ZNF628: variants seen among roughly 807,000 people sequenced by gnomAD.
ZNF628 encodes the protein zinc finger protein Zec.
ZNF628 carries 3 observed loss-of-function variants against 2.5 expected under a neutral mutation model. That is an observed-to-expected ratio of 1.19 (90% CI 0.54 to 3.07). The LOEUF (loss-of-function observed/expected upper bound fraction) is 3.07. Among genes scored for constraint, ZNF628 ranks in the 30% most tolerant of loss-of-function variants. The probability of loss-of-function intolerance (pLI) is 0.03; values close to 1 mark genes in which losing one functional copy is unlikely to be tolerated. For missense variants in ZNF628, 1,610 were observed against 1,517.1 expected (o/e 1.06, Z -1.02); for synonymous variants, 861 against 717.1 (o/e 1.20, Z -3.21).
chr19:55,482,873 C>T lies in ZNF628; in HGVS notation c.1680C>T (p.His560=), dbSNP rs12981044. 911,063 of 1,609,174 alleles carry T rather than the reference C, an allele frequency of 0.57. 259,802 individuals carry two copies. The highest frequency in any genetic ancestry group is 0.66 in the African/African-American group (49,515 of 74,864). The change falls in exon 3 of 3, where the codon CAC becomes CAT. Residue 560 remains histidine, a synonymous_variant. Coordinates refer to ENST00000598519, the MANE Select transcript of ZNF628 (RefSeq NM_033113.3). ...GCCTGCGTCGCCACCGCCACGTGCA[C>T]ACTGGCGAGAGGCCCCACGCCTGCG... ...TSCLRRHRHV[H]TGERPHACGV... is the part of the protein sequence containing the mutation.
In ZNF628 at chr19:55,482,915, C is replaced by G; in HGVS notation, c.1722C>G (p.Ser574Arg). ...ACGCCTGCGGTGTCTGCGGCAAGAG[C>G]TTCGCGCAGACCTCCAACCTGCGGC... ...RPHACGVCGK[S>R]FAQTSNLRQH... The change falls in exon 3 of 3, where the codon AGC (serine) becomes AGG (arginine). Residue 574 changes from serine (S) to arginine (R), a missense_variant. By Grantham distance (110) the Ser-to-Arg change is moderately radical. This residue lies in a region of ZNF628 where 651 missense variants were observed against 575.6 expected (regional missense o/e 1.13). Transcript: ENST00000598519. The G allele has an allele frequency of 1.2e-6, 2 of 1,609,254 alleles. No individual in the cohort carries two copies. Among genetic ancestry groups the G allele is most frequent in the Non-Finnish European group, 1.7e-6 (2 of 1,178,738 alleles).
rs2123408741 is a variant in ZNF628 at position 55,479,279 on chromosome 19, C to T, written c.-77-555C>T. ...CAAGTGGGCCATTGCGGGCCACGCG[C>T]CGCCCAGGCCATGGAGTGGGGGCAC... On this transcript the variant is annotated intron_variant, in intron 1 of 2. Coordinates refer to ENST00000598519, the MANE Select transcript of ZNF628 (RefSeq NM_033113.3). The surrounding 1 kb of genome is among the most constrained non-coding windows in gnomAD (Gnocchi z 5.1). 6.6e-6 allele frequency among the ~76,000 whole-genome samples: 1 copy of T among 152,278 alleles called. No homozygotes were observed. The highest frequency in any genetic ancestry group is 2.4e-5 in the African/African-American group (1 of 41,560).
Position 55,481,392 on chromosome 19 carries a change from C to T in ZNF628, c.199C>T (p.Pro67Ser), listed in dbSNP as rs200942784. ...CACAGGCGAGCGGCCCTACAAGTGC[C>T]CAGACTGCCCCAAGGCTTTCAAAGG... is the stretch of plus-strand genomic sequence containing the variant. ...THTGERPYKC[P>S]DCPKAFKGSS... is the part of the protein sequence containing the mutation. Residue 67 changes from proline to serine, a missense_variant, in exon 3 of 3, where the codon CCA becomes TCA. By Grantham distance (74) the Pro-to-Ser change is moderately conservative. Coordinates refer to ENST00000598519, the MANE Select transcript of ZNF628 (RefSeq NM_033113.3). The T allele has an allele frequency of 1.4e-4, 229 of 1,612,302 alleles. No homozygotes were observed. The highest frequency in any genetic ancestry group is 1.8e-4 in the Non-Finnish European group (216 of 1,179,544).
rs910908584 is a variant in ZNF628 at position 55,482,450 on chromosome 19, G to T, written c.1257G>T (p.Pro419=). 31 of 1,365,784 alleles carry T rather than the reference G, an allele frequency of 2.3e-5. No homozygotes were observed. Among genetic ancestry groups the T allele is most frequent in the Non-Finnish European group, 2.8e-5 (30 of 1,064,960 alleles). The allele number at this position is 1,365,784 out of a possible 1,614,324, so 84.6% of individuals were successfully genotyped here. ...VEEAAAGRPP[P]QAEAAEVTCP... ...AGGCCGCGGCCGGGCGCCCGCCCCC[G>T]CAGGCTGAGGCTGCGGAGGTGACCT... is the stretch of plus-strand genomic sequence containing the variant. Residue 419 remains proline, a synonymous_variant, in exon 3 of 3, where the codon CCG becomes CCT. Transcript: ENST00000598519.
chr19:55,480,474 G>A (rs946315530), intron 2 of ZNF628, among the ~76,000 whole-genome samples: 1 of 152,068 alleles, frequency 6.6e-6, no homozygotes, highest in Non-Finnish European at 1.5e-5. Context: ...AGGCTGGAGT[G>A]CAGTGGCACG....
Position 55,483,425 on chromosome 19 carries a change from G to A in ZNF628, c.2232G>A (p.Leu744=). 2 of 1,519,518 alleles carry A rather than the reference G, an allele frequency of 1.3e-6. No homozygotes were observed. The highest frequency in any genetic ancestry group is 2.2e-5 in the Admixed American group (1 of 46,472). 94.1% of individuals were successfully genotyped at this position (1,519,518 alleles called of 1,614,324 possible). A position where few individuals can be genotyped will look rare whatever the true frequency, so the allele number is the denominator to read the frequency against. Residue 744 remains leucine, a synonymous_variant, in exon 3 of 3, where the codon CTG becomes CTA. Coordinates refer to ENST00000598519, the MANE Select transcript of ZNF628 (RefSeq NM_033113.3). The part of the protein sequence containing the change: ...PPPPAPPKLI[L]LPSSSAGAGG... ...CTCCCGCACCTCCCAAGCTCATCCT[G>A]CTGCCCTCCTCCAGTGCTGGGGCTG...
At chr19:55,477,040 A>G (rs1986567770) in intron 1 of ZNF628, among the ~76,000 whole-genome samples, 1 of 152,196 alleles carries the variant, frequency 6.6e-6, no homozygotes, top group Admixed American at 6.5e-5. Context: ...ACTTAAAACA[A>G]TGTTTTTCCC....
At chr19:55,478,930 T>C (rs908817349) in intron 1 of ZNF628, among the ~76,000 whole-genome samples, 1 of 152,088 alleles carries the variant, frequency 6.6e-6, no homozygotes, top group Non-Finnish European at 1.5e-5. Context: ...ATTTTGGGCA[T>C]GTTAAGTTGG....
rs1183355326 is a variant in ZNF628, at chr19:55,482,026, T to C, written c.833T>C (p.Val278Ala). The change falls in exon 3 of 3, where the codon GTG becomes GCG. Residue 278 changes from valine to alanine, a missense_variant. Val to Ala is a moderately conservative substitution (Grantham distance 64, BLOSUM62 0). Transcript: ENST00000598519. ...PPAPPPPPPP[V>A]VPELFLAAAE... The stretch of plus-strand genomic sequence containing the variant: ...GCCCCGCCGCCCCCGCCCCCGCCCG[T>C]GGTGCCTGAGCTCTTTTTGGCGGCG... 1 of 1,308,838 alleles carries C rather than the reference T, an allele frequency of 7.6e-7. No individual in the cohort carries two copies. The highest frequency in any genetic ancestry group is 9.9e-7 in the Non-Finnish European group (1 of 1,011,750). 81.1% of individuals were successfully genotyped at this position (1,308,838 alleles called of 1,614,324 possible). A position where few individuals can be genotyped will look rare whatever the true frequency, so the allele number is the denominator to read the frequency against.
In ZNF628 at chr19:55,481,686, C is replaced by A; in HGVS notation, c.493C>A (p.Arg165Ser). The part of the protein sequence containing the change: ...KAFKNSSSLR[R>S]HRHVHTGERP... The stretch of plus-strand genomic sequence containing the variant: ...CTTCAAGAACTCGTCCAGCCTGCGG[C>A]GCCACCGCCACGTGCACACCGGCGA... Residue 165 changes from arginine to serine, a missense_variant, in exon 3 of 3, where the codon CGC becomes AGC. Coordinates refer to ENST00000598519, the MANE Select transcript of ZNF628 (RefSeq NM_033113.3). 1 of 1,612,306 alleles carries A rather than the reference C, an allele frequency of 6.2e-7. No individual in the cohort carries two copies. Among genetic ancestry groups the A allele is most frequent in the Non-Finnish European group, 8.5e-7 (1 of 1,179,380 alleles).
rs1475137015 is a variant in ZNF628, at chr19:55,482,914, G to T, written c.1721G>T (p.Ser574Ile). Residue 574 changes from serine to isoleucine, a missense_variant, in exon 3 of 3, where the codon AGC becomes ATC. Around this residue, in one of 5 missense-constraint regions of ZNF628, gnomAD observed 651 missense variants for 575.6 expected, o/e 1.13. Transcript: ENST00000598519. ...CACGCCTGCGGTGTCTGCGGCAAGA[G>T]CTTCGCGCAGACCTCCAACCTGCGG... ...RPHACGVCGK[S>I]FAQTSNLRQH... 1 of 1,608,204 alleles carries T rather than the reference G, an allele frequency of 6.2e-7. No homozygotes were observed. The highest frequency in any genetic ancestry group is 8.5e-7 in the Non-Finnish European group (1 of 1,178,534).
chr19:55,481,159 C>G lies in ZNF628; in HGVS notation c.8-42C>G, dbSNP rs1250399797. On this transcript the variant is annotated intron_variant, in intron 2 of 2. Coordinates refer to ENST00000598519, the MANE Select transcript of ZNF628 (RefSeq NM_033113.3). The stretch of plus-strand genomic sequence containing the variant: ...TGTGTGGGTTTGGGGTTGAGATGAT[C>G]CAGTGCGGGGGTGAGCCGCTGACCC... The G allele has an allele frequency of 2.0e-6, 3 of 1,468,836 alleles. No individual in the cohort carries two copies. In the East Asian group the frequency reaches 7.4e-5, roughly 36 times the overall value. The allele number at this position is 1,468,836 out of a possible 1,614,324, so 91.0% of individuals were successfully genotyped here.
At chr19:55,478,018 C>T (rs1441964311) in intron 1 of ZNF628, among the ~76,000 whole-genome samples, 2 of 152,122 alleles carry the variant, frequency 1.3e-5, no homozygotes, top group Non-Finnish European at 1.5e-5. Flanking sequence ...ACGGTGCTCC[C>T]CAGGGGCGAC....
Position 55,483,734 on chromosome 19 carries a change from A to C in ZNF628, c.2541A>C (p.Pro847=), listed in dbSNP as rs1986820535. Residue 847 remains proline (P), a synonymous_variant, in exon 3 of 3, where the codon CCA becomes CCC. Coordinates refer to ENST00000598519, the MANE Select transcript of ZNF628 (RefSeq NM_033113.3). ...AGGTGACCACAGTCCAGCTCCAGCC[A>C]GCACAGGAAGTAACCACGGTCCAGC... ...AQEVTTVQLQ[P]AQEVTTVQLQ... is the part of the protein sequence containing the mutation. 6.2e-7 allele frequency: 1 copy of C among 1,612,492 alleles called. No individual in the cohort carries two copies. Among genetic ancestry groups the C allele is most frequent in the Non-Finnish European group, 8.5e-7 (1 of 1,179,150 alleles).
chr19:55,481,921 C>T lies in ZNF628; in HGVS notation c.728C>T (p.Ser243Phe). 2.0e-6 allele frequency: 3 copies of T among 1,477,070 alleles called. No homozygotes were observed. Among genetic ancestry groups the T allele is most frequent in the South Asian group, 1.3e-5 (1 of 76,616 alleles). The allele number at this position is 1,477,070 out of a possible 1,614,324, so 91.5% of individuals were successfully genotyped here. Residue 243 changes from serine (S) to phenylalanine (F), a missense_variant, in exon 3 of 3, where the codon TCC becomes TTC. Ser to Phe is a radical substitution (Grantham distance 155, BLOSUM62 -2). This residue lies in a region of ZNF628 where 651 missense variants were observed against 575.6 expected (regional missense o/e 1.13). Transcript: ENST00000598519. ...GCCTCCGCGGCCCCGCCCCCCCAGT[C>T]CCGGGAGCCCGGCAAGGTCTTCGTG... is the stretch of plus-strand genomic sequence containing the variant. ...GTASAAPPPQ[S>F]REPGKVFVCD...
In ZNF628 at chr19:55,482,391, A is replaced by G. The variant is rs2068578395; in HGVS notation, c.1198A>G (p.Ser400Gly). ...CGACGGCTCCTTCCCGCAGCTGGCC[A>G]GCCTCCTGGCGCATCAGCAGTGCCA... ...SCDGSFPQLA[S>G]LLAHQQCHVE... Residue 400 changes from serine to glycine, a missense_variant, in exon 3 of 3, where the codon AGC (serine) becomes GGC (glycine). Transcript: ENST00000598519. 4.8e-5 allele frequency: 68 copies of G among 1,414,260 alleles called. No individual in the cohort carries two copies. The highest frequency in any genetic ancestry group is 9.0e-5 in the Admixed American group (3 of 33,488). 87.6% of individuals were successfully genotyped at this position (1,414,260 alleles called of 1,614,324 possible).
chr19:55,480,313 T>G (rs984604071), intron 2 of ZNF628, among the ~76,000 whole-genome samples: 1 of 149,852 alleles, frequency 6.7e-6, no homozygotes, highest in African/African-American at 2.5e-5. Flanking sequence ...TGGTGTGATC[T>G]CGGCTTACTG....
In ZNF628 at chr19:55,484,205, G is replaced by A. The variant is rs1986844901; in HGVS notation, c.3012G>A (p.Pro1004=). 6.5e-7 allele frequency: 1 copy of A among 1,546,460 alleles called. No homozygotes were observed. The highest frequency in any genetic ancestry group is 8.7e-7 in the Non-Finnish European group (1 of 1,145,720). The change falls in exon 3 of 3, where the codon CCG becomes CCA. Residue 1004 remains proline (P), a synonymous_variant. Coordinates refer to ENST00000598519, the MANE Select transcript of ZNF628 (RefSeq NM_033113.3). ...CCACGCTGCAGCTCCTGGCCCCACC[G>A]CCGTCAGGCCCAGCCTCGGGCCCCG... is the stretch of plus-strand genomic sequence containing the variant. ...GTATLQLLAP[P]PSGPASGPAG... is the part of the protein sequence containing the mutation.
intron 2 of ZNF628, 124 bp from the exon 3 acceptor site, chr19:55,481,077 A>G: frequency 7.7e-7 from 1 of 1,292,954 alleles, no homozygotes; most frequent in South Asian, 1.6e-5. Context: ...ATCCTAAGGA[A>G]GGTCCCCTGC....
Sources: gnomAD v4.1 joint callset for allele counts (sites outside exome capture counted in the v4.1 genomes callset) on GRCh38, gnomAD v4.1.1 for gene constraint, gnomAD v4.1.1 regional missense constraint, Gnocchi (gnomAD v3.1) non-coding constraint, MANE v1.5 for transcripts, NCBI Gene and HGNC (gene_info 2026-07-23, HGNC 2026-07-21) for gene names.